The following GNAQ variants were observed in gnomAD, a reference collection of about 807,000 sequenced individuals.
GNAQ encodes G protein subunit alpha q.
A neutral mutation model predicts 43.9 loss-of-function variants in GNAQ; 8 were observed. That is an observed-to-expected ratio of 0.18 (90% CI 0.11 to 0.33). The LOEUF is 0.33. Ranked by LOEUF, GNAQ falls within the 10% of genes least tolerant of loss-of-function variation. The pLI, the probability that GNAQ is intolerant of heterozygous loss-of-function variation, is 1.00. For missense variants in GNAQ, 158 were observed against 450.8 expected (o/e 0.35, Z 5.88); for synonymous variants, 155 against 170.7 (o/e 0.91, Z 0.71).
chr9:77,799,177 C>T (rs147557308), intron 3 of GNAQ, among the ~76,000 whole-genome samples: 2 of 152,272 alleles, frequency 1.3e-5, no homozygotes, highest in African/African-American at 4.8e-5. Flanking sequence ...GGGGCACAGA[C>T]ATGGCTTCAA....
intron 1 of GNAQ, 112 bp from the exon 2 acceptor site, chr9:77,922,457 G>C (rs1344019367): frequency 2.8e-6 from 2 of 705,970 alleles, no homozygotes; most frequent in African/African-American, 1.8e-5. Context: ...CCTGCTGAGA[G>C]GAGCGACTCT....
chr9:77,741,422 CATT>C, intron 5 of GNAQ, among the ~76,000 whole-genome samples: 1 of 152,312 alleles, frequency 6.6e-6, no homozygotes, highest in South Asian at 2.1e-4. Flanking sequence ...ATAAATCTGT[CATT>C]ATATCTTTGA....
chr9:77,975,748 C>T (rs1823293316), intron 1 of GNAQ, among the ~76,000 whole-genome samples: 1 of 148,734 alleles, frequency 6.7e-6, no homozygotes, highest in African/African-American at 2.4e-5. Flanking sequence ...CCATGTTGGC[C>T]AGGATGGTTG....
chr9:77,772,644 A>G (rs1466987079), intron 5 of GNAQ, among the ~76,000 whole-genome samples: 1 of 152,146 alleles, frequency 6.6e-6, no homozygotes, highest in South Asian at 2.1e-4. Flanking sequence ...TTCCCAACCA[A>G]ACTCCTGGTT....
At chr9:77,743,326 C>T (rs769281689) in intron 5 of GNAQ, among the ~76,000 whole-genome samples, 16 of 152,052 alleles carry the variant, frequency 1.1e-4, no homozygotes, top group Admixed American at 3.3e-4. Flanking sequence ...GGTCCACAGT[C>T]GGCACAGAGC....
intron 2 of GNAQ, among the ~76,000 whole-genome samples, chr9:77,855,275 G>A (rs1827734664): frequency 6.6e-6 from 1 of 152,156 alleles, no homozygotes; most frequent in African/African-American, 2.4e-5. Context: ...AGTAATTACA[G>A]AGGATATAAA....
chr9:78,029,566 C>G (rs1309446602), intron 1 of GNAQ, among the ~76,000 whole-genome samples: 1 of 152,088 alleles, frequency 6.6e-6, no homozygotes, highest in Non-Finnish European at 1.5e-5. Context: ...TTGCCTTCTG[C>G]TTTTTATAAA....
intron 5 of GNAQ, among the ~76,000 whole-genome samples, chr9:77,761,932 G>A (rs1245959788): frequency 1.1e-4 from 14 of 124,410 alleles, no homozygotes; most frequent in East Asian, 2.7e-4. Context: ...CAGCCGCCCC[G>A]TCCGGGAGGG....
intron 1 of GNAQ, among the ~76,000 whole-genome samples, chr9:77,934,692 C>T (rs976655873): frequency 4.6e-5 from 7 of 152,122 alleles, no homozygotes; most frequent in South Asian, 2.1e-4. Flanking sequence ...GTGCCTAATA[C>T]GCATACAACC....
chr9:77,821,246 A>G (rs989924158), intron 2 of GNAQ, among the ~76,000 whole-genome samples: 8 of 152,252 alleles, frequency 5.3e-5, no homozygotes, highest in South Asian at 2.1e-4. Context: ...TCTTTCCCAA[A>G]AAACATTTGC....
chr9:77,910,740 G>A (rs1023813155), intron 2 of GNAQ, among the ~76,000 whole-genome samples: 1 of 152,072 alleles, frequency 6.6e-6, no homozygotes, highest in Non-Finnish European at 1.5e-5. Context: ...ATTTAACAAT[G>A]GACAACACTT....
At chr9:77,880,307 G>A (rs962834420) in intron 2 of GNAQ, among the ~76,000 whole-genome samples, 17 of 152,074 alleles carry the variant, frequency 1.1e-4, no homozygotes, top group Admixed American at 6.6e-5. Flanking sequence ...CTCTCCAGTG[G>A]AATTATTTAT....
In GNAQ at chr9:77,830,495, T is replaced by A. The variant is rs185854752; in HGVS notation, c.322-14725A>T. Among the ~76,000 whole-genome samples the A allele has an allele frequency of 2.3e-4, 35 of 152,308 alleles. 3 individuals are homozygous for A. Among genetic ancestry groups the A allele is most frequent in the African/African-American group, 8.4e-4 (35 of 41,580 alleles). On this transcript the variant is annotated intron_variant, in intron 2 of 6. Coordinates refer to ENST00000286548, the MANE Select transcript of GNAQ (RefSeq NM_002072.5). ...AGTTCTAAGGAGTCGTTACTAAGTA[T>A]CTTTGTTAAAACACAAGCGGTTTCT...
chr9:77,887,773 T>C (rs1348222224), intron 2 of GNAQ, among the ~76,000 whole-genome samples: 1 of 152,260 alleles, frequency 6.6e-6, no homozygotes, highest in Non-Finnish European at 1.5e-5. Context: ...TATCACATGC[T>C]ACATATAACA....
intron 2 of GNAQ, among the ~76,000 whole-genome samples, chr9:77,884,268 G>A (rs1828265025): frequency 6.6e-6 from 1 of 152,216 alleles, no homozygotes; most frequent in Non-Finnish European, 1.5e-5. Context: ...GGGGTGTGAA[G>A]GCTTGTTCTA....
Position 77,855,278 on chromosome 9 carries a change from G to A in GNAQ, c.322-39508C>T, listed in dbSNP as rs150945190. The stretch of plus-strand genomic sequence containing the variant: ...AAAGAAAGGAAAAGTAATTACAGAG[G>A]ATATAAATAAATTAAAAGAAAGGCA... On this transcript the variant is annotated intron_variant, in intron 2 of 6. Coordinates refer to ENST00000286548, the MANE Select transcript of GNAQ (RefSeq NM_002072.5). Among the ~76,000 whole-genome samples, 8 of 152,086 alleles carry A rather than the reference G, an allele frequency of 5.3e-5. No individual in the cohort carries two copies. In the East Asian group the frequency reaches 9.7e-4, roughly 18 times the overall value.
intron 5 of GNAQ, among the ~76,000 whole-genome samples, chr9:77,756,187 T>C (rs1825900650): frequency 6.6e-6 from 1 of 152,214 alleles, no homozygotes; most frequent in Non-Finnish European, 1.5e-5. Flanking sequence ...TGGCCTACTG[T>C]AGGACCTCAC....
intron 2 of GNAQ, among the ~76,000 whole-genome samples, chr9:77,817,954 T>G (rs1176178670): frequency 6.6e-6 from 1 of 151,958 alleles, no homozygotes; most frequent in Non-Finnish European, 1.5e-5. Context: ...TTAAAAACTG[T>G]GACTGCTGTT....
chr9:77,895,137 G>A (rs1461205478), intron 2 of GNAQ, among the ~76,000 whole-genome samples: 1 of 149,386 alleles, frequency 6.7e-6, no homozygotes, highest in Non-Finnish European at 1.5e-5. Flanking sequence ...GGTGGAGCTT[G>A]CAGTGAGCCA....
Sources: gnomAD v4.1 joint callset for allele counts (sites outside exome capture counted in the v4.1 genomes callset) on GRCh38, gnomAD v4.1.1 for gene constraint, MANE v1.5 for transcripts, NCBI Gene and HGNC (gene_info 2026-07-23, HGNC 2026-07-21) for gene names.